Variants in GNB1 observed in about 807,000 individuals in gnomAD.
GNB1 encodes G protein subunit beta 1, also known as guanine nucleotide-binding protein G(I)/G(S)/G(T) subunit beta-1.
Under a neutral mutation model 42.9 loss-of-function variants are expected in GNB1, and 2 were observed. That is an observed-to-expected ratio of 0.05 (90% CI 0.02 to 0.15). The LOEUF (loss-of-function observed/expected upper bound fraction) is 0.15, where lower values mean the gene tolerates loss of function less well. Ranked by LOEUF, GNB1 falls within the 10% of genes least tolerant of loss-of-function variation. The probability of loss-of-function intolerance (pLI) is 1.00; values close to 1 mark genes in which losing one functional copy is unlikely to be tolerated. For missense variants in GNB1, 193 were observed against 462.2 expected (o/e 0.42, Z 5.34); for synonymous variants, 183 against 174.7 (o/e 1.05, Z -0.38).
intron 3 of GNB1, among the ~76,000 whole-genome samples, chr1:1,818,715 T>C (rs1233566757): frequency 6.6e-5 from 10 of 151,462 alleles, no homozygotes; most frequent in African/African-American, 2.2e-4. Context: ...ATACAAAAAA[T>C]AGCTGGGTGT....
intron 1 of GNB1, among the ~76,000 whole-genome samples, chr1:1,887,928 A>G (rs1650245110): frequency 1.3e-5 from 2 of 152,296 alleles, no homozygotes; most frequent in Admixed American, 6.5e-5. Flanking sequence ...TTTACTCTTA[A>G]AAACAAACAA....
chr1:1,861,274 TAA>T (rs971458751), intron 1 of GNB1, among the ~76,000 whole-genome samples: 5 of 151,842 alleles, frequency 3.3e-5, no homozygotes, highest in African/African-American at 9.7e-5. Context: ...CTGGGCAACA[TAA>T]AGAGTCCTCA....
intron 5 of GNB1, among the ~76,000 whole-genome samples, chr1:1,811,758 A>C (rs1187681402): frequency 2.0e-5 from 3 of 150,512 alleles, no homozygotes. Flanking sequence ...AATCAAACAA[A>C]CACAGTTAAA....
At chr1:1,871,365 C>A (rs936974658) in intron 1 of GNB1, among the ~76,000 whole-genome samples, 1 of 152,112 alleles carries the variant, frequency 6.6e-6, no homozygotes, top group Admixed American at 6.6e-5. Context: ...GAGGCTGAGG[C>A]AGGAGTATTG....
intron 1 of GNB1, among the ~76,000 whole-genome samples, chr1:1,882,285 A>G (rs1377215110): frequency 1.3e-5 from 2 of 152,092 alleles, no homozygotes; most frequent in East Asian, 3.9e-4. Flanking sequence ...AACATTAGCT[A>G]GGCGTGGCGG....
At chr1:1,828,974 G>A (rs940980446) in intron 2 of GNB1, among the ~76,000 whole-genome samples, 1 of 152,050 alleles carries the variant, frequency 6.6e-6, no homozygotes, top group Non-Finnish European at 1.5e-5. Flanking sequence ...ACACATAGAA[G>A]TGATAAGAAA....
At chr1:1,796,500 A>T (rs1209031061) in intron 7 of GNB1, among the ~76,000 whole-genome samples, 2 of 152,266 alleles carry the variant, frequency 1.3e-5, no homozygotes, top group African/African-American at 4.8e-5. Flanking sequence ...TGGGAGGAGC[A>T]GAGCTGTCTG....
At chr1:1,817,431 T>C (rs1274635791) in intron 4 of GNB1, among the ~76,000 whole-genome samples, 1 of 152,216 alleles carries the variant, frequency 6.6e-6, no homozygotes, top group Non-Finnish European at 1.5e-5. Flanking sequence ...CAGTGTTCAA[T>C]CCTGTTGGGC....
intron 1 of GNB1, among the ~76,000 whole-genome samples, chr1:1,867,054 G>A (rs747335423): frequency 3.3e-5 from 5 of 152,154 alleles, no homozygotes; most frequent in African/African-American, 7.2e-5. Context: ...GTCGCCTGAG[G>A]TCAGGAGTTC....
intron 3 of GNB1, among the ~76,000 whole-genome samples, chr1:1,818,982 C>T (rs528105531): frequency 6.6e-6 from 1 of 152,336 alleles, no homozygotes; most frequent in South Asian, 2.1e-4. Context: ...AGCCTCTTGG[C>T]TGTTCTCGTT....
chr1:1,890,146 C>G (rs917208819), intron 1 of GNB1, among the ~76,000 whole-genome samples: 3 of 152,204 alleles, frequency 2.0e-5, no homozygotes, highest in South Asian at 2.1e-4. Flanking sequence ...CCGGACAGAC[C>G]CGGGCCTCGG....
chr1:1,837,341 G>A (rs1412485373), intron 2 of GNB1, among the ~76,000 whole-genome samples: 2 of 149,312 alleles, frequency 1.3e-5, no homozygotes, highest in Admixed American at 6.8e-5. Context: ...TGCAAGCTCC[G>A]CCTCCTGGGT....
chr1:1,867,244 CA>C (rs1648993529), intron 1 of GNB1, among the ~76,000 whole-genome samples: 1 of 152,142 alleles, frequency 6.6e-6, no homozygotes, highest in African/African-American at 2.4e-5. Flanking sequence ...CCCAGCCTGG[CA>C]AGAGCGAAAC....
At chr1:1,789,718 GGGGATGGGGGAGGAACTACAGGGGACT>G (rs1368577106) in intron 9 of GNB1, among the ~76,000 whole-genome samples, 10 of 151,528 alleles carry the variant, frequency 6.6e-5, no homozygotes, top group Admixed American at 4.6e-4. Flanking sequence ...AAAAGGGTGG[GGGGATGGGGGAGGAACTACAGGGGACT>G]GGGATGGGAG....
intron 1 of GNB1, among the ~76,000 whole-genome samples, chr1:1,855,474 G>C (rs1172326766): frequency 1.3e-5 from 2 of 152,116 alleles, no homozygotes; most frequent in African/African-American, 4.8e-5. Context: ...GGCCGAGGCG[G>C]GCGGATCACA....
intron 1 of GNB1, among the ~76,000 whole-genome samples, chr1:1,860,246 A>G (rs1208892758): frequency 6.6e-6 from 1 of 152,172 alleles, no homozygotes; most frequent in African/African-American, 2.4e-5. Flanking sequence ...GTGGACATAA[A>G]GATGGCAAAA....
intron 2 of GNB1, among the ~76,000 whole-genome samples, chr1:1,828,793 A>G (rs1446661094): frequency 1.3e-5 from 2 of 152,116 alleles, no homozygotes; most frequent in African/African-American, 4.8e-5. Flanking sequence ...TATAATCCCA[A>G]CACTTTAGGA....
intron 1 of GNB1, among the ~76,000 whole-genome samples, chr1:1,845,479 A>G (rs1647591925): frequency 6.6e-6 from 1 of 152,182 alleles, no homozygotes; most frequent in Admixed American, 6.5e-5. Context: ...AGGCTGAGGC[A>G]GGAGAATGGC....
intron 5 of GNB1, 117 bp downstream of exon 5, chr1:1,815,639 C>T: frequency 1.6e-6 from 1 of 629,454 alleles, no homozygotes. Context: ...AGTTCTGATT[C>T]AACTTCCTAA....
Sources: allele counts gnomAD v4.1 joint callset (sites outside exome capture counted in the v4.1 genomes callset), GRCh38; gene constraint gnomAD v4.1.1; transcripts MANE v1.5; gene names NCBI Gene and HGNC (gene_info 2026-07-23, HGNC 2026-07-21).